GRIA3: variants seen among roughly 807,000 people sequenced by gnomAD.
GRIA3 encodes the protein glutamate receptor 3.
Under a neutral mutation model 63.0 loss-of-function variants are expected in GRIA3, and 3 were observed. The observed-to-expected ratio is 0.05, with a 90% confidence interval of 0.02 to 0.12. The LOEUF (loss-of-function observed/expected upper bound fraction) is 0.12, where lower values mean the gene tolerates loss of function less well. Ranked by LOEUF, GRIA3 falls within the 10% of genes least tolerant of loss-of-function variation. The probability of loss-of-function intolerance (pLI) is 1.00; values close to 1 mark genes in which losing one functional copy is unlikely to be tolerated. For synonymous variants in GRIA3, 274 were observed against 257.9 expected, an observed-to-expected ratio of 1.06 and a Z score of -0.60; for missense variants, 347 against 700.9, an observed-to-expected ratio of 0.50 and a Z score of 5.70.
chrX:123,300,265 C>T (rs1277749592), intron 3 of GRIA3, among the ~76,000 whole-genome samples: 2 of 109,375 alleles, frequency 1.8e-5, no homozygotes, highest in African/African-American at 3.3e-5. Context: ...AGGAGACCCT[C>T]CTCCTCAATT....
chrX:123,403,694 C>CA (rs2045455530), intron 9 of GRIA3, among the ~76,000 whole-genome samples, 175 bp downstream of exon 9: 1 of 111,772 alleles, frequency 8.9e-6, no homozygotes, highest in African/African-American at 3.2e-5. Context: ...TGTCATTTAA[C>CA]AAAAAGAGAG....
At chrX:123,474,604 A>C in intron 13 of GRIA3, among the ~76,000 whole-genome samples, 1 of 110,694 alleles carries the variant, frequency 9.0e-6, no homozygotes, top group Non-Finnish European at 1.9e-5. Context: ...GATCACTTGA[A>C]CCCGGGAGGC....
chrX:123,235,025 T>TA (rs377127363), intron 2 of GRIA3, among the ~76,000 whole-genome samples: 28 of 108,317 alleles, frequency 2.6e-4, no homozygotes, highest in South Asian at 1.2e-3. Flanking sequence ...TTGGAAGCAA[T>TA]AAAAAAAAAG....
intron 12 of GRIA3, among the ~76,000 whole-genome samples, chrX:123,453,123 A>T (rs1416050674): frequency 3.6e-5 from 4 of 112,079 alleles, no homozygotes; most frequent in Admixed American, 9.4e-5. Context: ...TCACAATAGC[A>T]AAGACTTGGA....
intron 5 of GRIA3, among the ~76,000 whole-genome samples, chrX:123,373,894 G>A (rs753117551): frequency 4.5e-5 from 5 of 111,418 alleles, no homozygotes; most frequent in Non-Finnish European, 7.5e-5. Flanking sequence ...CTTTCGTTGC[G>A]ATTGCTTTTG....
chrX:123,433,439 C>T (rs997917541), intron 12 of GRIA3, among the ~76,000 whole-genome samples: 4 of 111,783 alleles, frequency 3.6e-5, no homozygotes, highest in Non-Finnish European at 7.5e-5. Context: ...GGACTTAAGA[C>T]AAATACTTTA....
chrX:123,244,572 A>C (rs974005098), intron 2 of GRIA3, among the ~76,000 whole-genome samples: 1 of 112,619 alleles, frequency 8.9e-6, no homozygotes, highest in Non-Finnish European at 1.9e-5. Flanking sequence ...CATTGGATTA[A>C]GGTTTTGCTC....
intron 3 of GRIA3, among the ~76,000 whole-genome samples, chrX:123,282,912 TATA>T (rs2044594689): frequency 9.0e-6 from 1 of 111,638 alleles, no homozygotes; most frequent in Non-Finnish European, 1.9e-5. Flanking sequence ...TCTCAAAAAA[TATA>T]ATAATGACAG....
In GRIA3 at chrX:123,193,155, T is replaced by C. The variant is rs757434109; in HGVS notation, c.268+7165T>C. Among the ~76,000 whole-genome samples the C allele has an allele frequency of 3.7e-5, 4 of 108,171 alleles. No homozygotes were observed. In the South Asian group the frequency reaches 1.7e-3, roughly 47 times the overall value. The allele number at this position is 108,171 out of a possible 115,157, so 93.9% of individuals were successfully genotyped here. On this transcript the variant is annotated intron_variant, in intron 2 of 15. Transcript: ENST00000620443. ...CAGCCAGGTCTGTAGGTGGCATTAC[T>C]AGATATCTGATGATAGCATTTAGAG...
chrX:123,294,117 T>C (rs1252375045), intron 3 of GRIA3, among the ~76,000 whole-genome samples: 1 of 110,993 alleles, frequency 9.0e-6, no homozygotes, highest in Admixed American at 9.6e-5. Context: ...TGTTTTTATA[T>C]ACTTTTTAAA....
At chrX:123,338,062 C>A (rs1453922404) in intron 4 of GRIA3, among the ~76,000 whole-genome samples, 2 of 111,892 alleles carry the variant, frequency 1.8e-5, no homozygotes, top group Non-Finnish European at 3.8e-5. Flanking sequence ...GCCACCAAGC[C>A]ACTCAGAGAG....
intron 2 of GRIA3, among the ~76,000 whole-genome samples, chrX:123,240,901 G>C (rs1308726451): frequency 2.7e-5 from 3 of 111,569 alleles, no homozygotes; most frequent in African/African-American, 9.8e-5. Context: ...GAAGAAAATT[G>C]TTCCAGTTAT....
At chrX:123,267,994 G>A (rs1021605805) in intron 3 of GRIA3, among the ~76,000 whole-genome samples, 26 of 111,269 alleles carry the variant, frequency 2.3e-4, no homozygotes, top group Non-Finnish European at 1.3e-4. Flanking sequence ...AATCCAGGGA[G>A]AAAAAGAATA....
chrX:123,212,850 T>C (rs1312181761), intron 2 of GRIA3, among the ~76,000 whole-genome samples: 1 of 111,797 alleles, frequency 8.9e-6, no homozygotes, highest in Admixed American at 9.4e-5. Flanking sequence ...GGTACTATTG[T>C]TAGCTCCAAT....
At chrX:123,192,833 T>C (rs769503859) in intron 2 of GRIA3, among the ~76,000 whole-genome samples, 3 of 111,367 alleles carry the variant, frequency 2.7e-5, no homozygotes, top group Non-Finnish European at 5.7e-5. Context: ...ACCAATCACC[T>C]AGGAATCTTG....
At chrX:123,273,807 C>T (rs1448401025) in intron 3 of GRIA3, among the ~76,000 whole-genome samples, 1 of 112,364 alleles carries the variant, frequency 8.9e-6, no homozygotes, top group Non-Finnish European at 1.9e-5. Flanking sequence ...TGTTTTGTGT[C>T]TCATTTTATC....
chrX:123,476,484 C>T (rs974313649), intron 13 of GRIA3, among the ~76,000 whole-genome samples: 9 of 111,380 alleles, frequency 8.1e-5, no homozygotes, highest in Non-Finnish European at 7.5e-5. Flanking sequence ...TTTTCCTCTG[C>T]CGTCTCAGAA....
chrX:123,452,947 T>TA lies in GRIA3; in HGVS notation c.2077-11916dup, dbSNP rs764422270. Among the ~76,000 whole-genome samples, 3 of 112,158 alleles carry TA rather than the reference T, an allele frequency of 2.7e-5. No homozygotes were observed. In the East Asian group the frequency reaches 8.4e-4, roughly 32 times the overall value. On this transcript the variant is annotated intron_variant, in intron 12 of 15. Coordinates refer to ENST00000620443, the MANE Select transcript of GRIA3 (RefSeq NM_007325.5). ...AACTTTTACACTGTTGGTGGGACTG[T>TA]AACTAGTTCAACCATTGTGGAAGAA...
intron 2 of GRIA3, among the ~76,000 whole-genome samples, chrX:123,186,266 TTCC>T (rs1290342927): frequency 1.8e-5 from 2 of 110,787 alleles, no homozygotes; most frequent in Non-Finnish European, 3.8e-5. Context: ...ACCTAGTGTG[TTCC>T]TTCTCCAACA....
Sources: gnomAD v4.1 joint callset for allele counts (sites outside exome capture counted in the v4.1 genomes callset) on GRCh38, gnomAD v4.1.1 for gene constraint, MANE v1.5 for transcripts, NCBI Gene and HGNC (gene_info 2026-07-23, HGNC 2026-07-21) for gene names.